The following COL15A1 variants were observed in gnomAD, a reference collection of about 807,000 sequenced individuals.
COL15A1 encodes the protein collagen type XV alpha 1 chain, also known as collagen alpha-1(XV) chain.
In COL15A1, 111 loss-of-function variants were observed where a neutral mutation model predicts 165.9. That is an observed-to-expected ratio of 0.67 (90% CI 0.57 to 0.78). The LOEUF is 0.78. Among genes scored for constraint, COL15A1 ranks in the 30% least tolerant of loss-of-function variants. COL15A1 has a pLI of 0.00. For synonymous variants in COL15A1, 659 were observed against 674.8 expected, an observed-to-expected ratio of 0.98 and a Z score of 0.36; for missense variants, 1,745 against 1,789.7, an observed-to-expected ratio of 0.98 and a Z score of 0.45.
Position 98,967,974 on chromosome 9 carries a change from G to T in COL15A1, c.101-17591G>T, listed in dbSNP as rs192847177. Among the ~76,000 whole-genome samples the T allele has an allele frequency of 2.0e-4, 31 of 151,910 alleles. No individual in the cohort carries two copies. The East Asian group carries it at 6.0e-3, about 29-fold the overall frequency. On this transcript the variant is annotated intron_variant, in intron 2 of 41. Coordinates refer to ENST00000375001, the MANE Select transcript of COL15A1 (RefSeq NM_001855.5). ...TCTCGAGAATCTGCATCTCTAATAA[G>T]TCCCCAGATACTGCTGCTGCTGGTC...
At chr9:98,960,339 G>A (rs1301789129) in intron 2 of COL15A1, among the ~76,000 whole-genome samples, 1 of 152,176 alleles carries the variant, frequency 6.6e-6, no homozygotes, top group Non-Finnish European at 1.5e-5. Context: ...GGTTAAGGCT[G>A]CAGTGAGCCG....
intron 11 of COL15A1, among the ~76,000 whole-genome samples, chr9:99,018,864 T>A (rs1588517748): frequency 6.6e-6 from 1 of 152,316 alleles, no homozygotes; most frequent in Non-Finnish European, 1.5e-5. Context: ...TGCCTCAAAG[T>A]GGTGGAACTG....
Position 99,015,541 on chromosome 9 carries a change from T to C in COL15A1, c.1478T>C (p.Met493Thr). Reference sequence around the variant, plus strand: ...GGCCTGGCTCCCCTCACAGCCACCATGGCCCCTGAGCGGGCAGTCACTTCT... The same window carrying C: ...GGCCTGGCTCCCCTCACAGCCACCACGGCCCCTGAGCGGGCAGTCACTTCT... ...TDGLAPLTAT[M>T]APERAVTSGP... Residue 493 changes from methionine to threonine, a missense_variant, in exon 10 of 42, where the codon ATG (methionine) becomes ACG (threonine). Transcript: ENST00000375001. 6.2e-7 allele frequency: 1 copy of C among 1,613,896 alleles called. No homozygotes were observed. The highest frequency in any genetic ancestry group is 8.5e-7 in the Non-Finnish European group (1 of 1,179,948).
chr9:99,028,862 T>C (rs1187976859), intron 16 of COL15A1, among the ~76,000 whole-genome samples: 4 of 152,224 alleles, frequency 2.6e-5, no homozygotes, highest in Admixed American at 2.6e-4. Flanking sequence ...TAAAATATTT[T>C]TTAAATGATA....
chr9:99,032,221 T>C (rs1307319861), intron 16 of COL15A1, among the ~76,000 whole-genome samples: 1 of 151,980 alleles, frequency 6.6e-6, no homozygotes, highest in Non-Finnish European at 1.5e-5. Flanking sequence ...TATTTATTTA[T>C]TATTATTTTT....
chr9:98,965,373 C>T (rs958225650), intron 2 of COL15A1, among the ~76,000 whole-genome samples: 2 of 152,214 alleles, frequency 1.3e-5, no homozygotes, highest in Non-Finnish European at 2.9e-5. Context: ...TTAAGGCCTG[C>T]AGTCTTAAGC....
At position 98,985,972 on chromosome 9, in the gene COL15A1, G is replaced by C; in HGVS notation, c.508G>C (p.Gly170Arg). 2 of 1,614,114 alleles carry C rather than the reference G, an allele frequency of 1.2e-6. No individual in the cohort carries two copies. Among genetic ancestry groups the C allele is most frequent in the Non-Finnish European group, 1.7e-6 (2 of 1,180,028 alleles). ...RWNRFAMIVQ[G>R]EEVTLLVNCE... Reference sequence around the variant, plus strand: ...GAACCGCTTCGCCATGATTGTCCAGGGTGAGGAAGTGACCCTCCTCGTGAA... The same window carrying C: ...GAACCGCTTCGCCATGATTGTCCAGCGTGAGGAAGTGACCCTCCTCGTGAA... The change falls in exon 3 of 42, where the codon GGT becomes CGT. Residue 170 changes from glycine (G) to arginine (R), a missense_variant. By Grantham distance (125) the Gly-to-Arg change is moderately radical. Transcript: ENST00000375001.
chr9:98,994,421 G>A lies in COL15A1; in HGVS notation c.805-2513G>A, dbSNP rs926452206. Among the ~76,000 whole-genome samples, 17 of 152,076 alleles carry A rather than the reference G, an allele frequency of 1.1e-4. 1 individual carries two copies. The highest frequency in any genetic ancestry group is 1.3e-4 in the Non-Finnish European group (9 of 68,016). ...CCCTCCCAGCTCCCATTTCTGCCTG[G>A]CAAGTTCCTACTTAGCCTTCAGGAT... On this transcript the variant is annotated intron_variant, in intron 5 of 41. Coordinates refer to ENST00000375001, the MANE Select transcript of COL15A1 (RefSeq NM_001855.5).
At chr9:99,060,315 A>G (rs1331772498) in intron 36 of COL15A1, among the ~76,000 whole-genome samples, 1 of 149,610 alleles carries the variant, frequency 6.7e-6, no homozygotes, top group African/African-American at 2.5e-5. Flanking sequence ...AAACTGGAGT[A>G]CAGTGGTGAG....
intron 2 of COL15A1, among the ~76,000 whole-genome samples, chr9:98,979,355 T>C (rs940551726): frequency 6.6e-6 from 1 of 152,242 alleles, no homozygotes; most frequent in African/African-American, 2.4e-5. Context: ...GCCTGCTGCC[T>C]TAAACCCTTG....
chr9:99,011,148 A>G (rs1038888304), intron 9 of COL15A1, among the ~76,000 whole-genome samples: 1 of 152,230 alleles, frequency 6.6e-6, no homozygotes, highest in African/African-American at 2.4e-5. Flanking sequence ...TAAAAAAATT[A>G]TAATGCCTTG....
Position 99,047,068 on chromosome 9 carries a change from G to A in COL15A1, c.2680-718G>A, listed in dbSNP as rs971344604. Among the ~76,000 whole-genome samples, 6 of 152,314 alleles carry A rather than the reference G, an allele frequency of 3.9e-5. No individual in the cohort carries two copies. The East Asian group carries it at 1.2e-3, about 29-fold the overall frequency. On this transcript the variant is annotated intron_variant, in intron 26 of 41. Coordinates refer to ENST00000375001, the MANE Select transcript of COL15A1 (RefSeq NM_001855.5). ...GACCCAGCTACAGGGTTGGAAAGGC[G>A]CAGACTGAGGGTAGAATTTGTTCTA...
At position 99,056,416 on chromosome 9, in the gene COL15A1, A is replaced by G. The variant is rs1256658091; in HGVS notation, c.3337+12A>G. 1.9e-6 allele frequency: 3 copies of G among 1,599,186 alleles called. No homozygotes were observed. The highest frequency in any genetic ancestry group is 1.7e-6 in the Non-Finnish European group (2 of 1,174,750). ...TATCCTGGGAGCAGGTTAGTGCCGT[A>G]AACAGTGCCCTTGTTCATGCTGTCC... On this transcript the variant is annotated intron_variant, in intron 35 of 41. Coordinates refer to ENST00000375001, the MANE Select transcript of COL15A1 (RefSeq NM_001855.5).
intron 5 of COL15A1, among the ~76,000 whole-genome samples, chr9:98,995,704 A>G (rs572453508): frequency 2.2e-4 from 33 of 152,348 alleles, no homozygotes; most frequent in Admixed American, 2.2e-3. Flanking sequence ...ATTTTACAGT[A>G]CAATAGAATC....
At chr9:99,057,443 C>A (rs1366689841) in intron 35 of COL15A1, among the ~76,000 whole-genome samples, 1 of 152,196 alleles carries the variant, frequency 6.6e-6, no homozygotes, top group East Asian at 1.9e-4. Context: ...TAGAGCCTCA[C>A]CTCCTCATAT....
At chr9:99,015,856 A>T (rs1838924946) in intron 10 of COL15A1, 120 bp from the exon 11 acceptor site, 1 of 1,235,082 alleles carries the variant, frequency 8.1e-7, no homozygotes, top group South Asian at 1.3e-5. Context: ...GGGGGTAACG[A>T]TGATCGTAGG....
intron 9 of COL15A1, among the ~76,000 whole-genome samples, chr9:99,008,160 AGAATCTCAGATTT>A (rs1372995750): frequency 6.6e-6 from 1 of 152,168 alleles, no homozygotes; most frequent in Non-Finnish European, 1.5e-5. Context: ...TATTCCATAA[AGAATCTCAGATTT>A]GACTTTAAGG....
intron 16 of COL15A1, among the ~76,000 whole-genome samples, chr9:99,028,795 TACTC>T (rs1839171306): frequency 6.6e-6 from 1 of 152,168 alleles, no homozygotes; most frequent in South Asian, 2.1e-4. Flanking sequence ...CTGAAGAACT[TACTC>T]ACGTAACCAA....
rs1205463096 is a variant in COL15A1 at position 99,052,444 on chromosome 9, CCTT to C, written c.2950+16_2950+18del. 2 of 1,589,892 alleles carry C rather than the reference CCTT, an allele frequency of 1.3e-6. No homozygotes were observed. The highest frequency in any genetic ancestry group is 2.2e-5 in the South Asian group (2 of 90,470). ...TCATCACTTTTCACGGTATACACTC[CCTT>C]CTTCATCATTTGTTTCTCTGGGACA... On this transcript the variant is annotated intron_variant, in intron 31 of 41. Transcript: ENST00000375001.
Sources: gnomAD v4.1 joint callset for allele counts (sites outside exome capture counted in the v4.1 genomes callset) on GRCh38, gnomAD v4.1.1 for gene constraint, MANE v1.5 for transcripts, NCBI Gene and HGNC (gene_info 2026-07-23, HGNC 2026-07-21) for gene names.